The following SMARCAL1 variants were observed in gnomAD, a reference collection of about 807,000 sequenced individuals.
SMARCAL1 encodes ATP-driven annealing helicase.
In SMARCAL1, 58 loss-of-function variants were observed where a neutral mutation model predicts 94.5. The observed-to-expected ratio is 0.61, with a 90% CI of 0.50 to 0.76. The LOEUF (loss-of-function observed/expected upper bound fraction) is 0.76, where lower values mean the gene tolerates loss of function less well. SMARCAL1 is among the 30% of genes least tolerant of loss of function. The pLI, the probability that SMARCAL1 is intolerant of heterozygous loss-of-function variation, is 0.00. For synonymous variants in SMARCAL1, 422 were observed against 455.1 expected, an observed-to-expected ratio of 0.93 and a Z score of 0.93; for missense variants, 1,051 against 1,177.9, an observed-to-expected ratio of 0.89 and a Z score of 1.58.
intron 11 of SMARCAL1, among the ~76,000 whole-genome samples, chr2:216,448,642 G>A (rs946825116): frequency 6.6e-6 from 1 of 152,024 alleles, no homozygotes; most frequent in African/African-American, 2.4e-5. Flanking sequence ...TTCAATTAAA[G>A]CTTGTTGGAT....
Position 216,415,476 on chromosome 2 carries a change from C to A in SMARCAL1, c.772C>A (p.Leu258Ile). Residue 258 changes from leucine to isoleucine, a missense_variant, in exon 3 of 18, where the codon CTC (leucine) becomes ATC (isoleucine). By Grantham distance (5) the Leu-to-Ile change is conservative (BLOSUM62 2). Around this residue, in one of 3 missense-constraint regions of SMARCAL1, gnomAD observed 398 missense variants for 395.2 expected, o/e 1.01. Coordinates refer to ENST00000357276, the MANE Select transcript of SMARCAL1 (RefSeq NM_014140.4). Reference sequence around the variant, plus strand: ...GGTGTTGATTGGGTACAATGCGGAACTCATTGCAGTGTTTAAGACCCTGCC... The same window carrying A: ...GGTGTTGATTGGGTACAATGCGGAAATCATTGCAGTGTTTAAGACCCTGCC... Reference protein sequence around the residue: ...FQVLIGYNAELIAVFKTLPSK... With the variant: ...FQVLIGYNAEIIAVFKTLPSK... 1 of 1,613,702 alleles carries A rather than the reference C, an allele frequency of 6.2e-7. No individual in the cohort carries two copies. The highest frequency in any genetic ancestry group is 8.5e-7 in the Non-Finnish European group (1 of 1,179,986).
At chr2:216,453,304 A>G (rs1050740094) in intron 12 of SMARCAL1, among the ~76,000 whole-genome samples, 5 of 152,270 alleles carry the variant, frequency 3.3e-5, no homozygotes, top group African/African-American at 1.2e-4. Context: ...ACAGATTACC[A>G]TCAGTGTGAT....
At chr2:216,420,057 A>G (rs1693682679) in intron 4 of SMARCAL1, among the ~76,000 whole-genome samples, 1 of 151,684 alleles carries the variant, frequency 6.6e-6, no homozygotes, top group Admixed American at 6.6e-5. Flanking sequence ...AGAAAAAAAA[A>G]AAAGAAAAAC....
chr2:216,479,867 A>G (rs1043404164), intron 17 of SMARCAL1, among the ~76,000 whole-genome samples: 2 of 152,154 alleles, frequency 1.3e-5, no homozygotes, highest in African/African-American at 4.8e-5. Context: ...CCTGGGCAAC[A>G]TGGTGAAACC....
intron 7 of SMARCAL1, among the ~76,000 whole-genome samples, chr2:216,430,588 G>C (rs556517811): frequency 6.6e-6 from 1 of 152,228 alleles, no homozygotes; most frequent in East Asian, 1.9e-4. Context: ...CTGTTATCCA[G>C]GCTTTTTCTG....
At chr2:216,481,281 C>T (rs1267963563) in intron 17 of SMARCAL1, among the ~76,000 whole-genome samples, 2 of 151,908 alleles carry the variant, frequency 1.3e-5, no homozygotes, top group Non-Finnish European at 2.9e-5. Flanking sequence ...CAACCTCCGC[C>T]TCCCAGGCTC....
At chr2:216,427,726 A>G (rs1397440900) in intron 6 of SMARCAL1, among the ~76,000 whole-genome samples, 1 of 152,252 alleles carries the variant, frequency 6.6e-6, no homozygotes, top group Admixed American at 6.5e-5. Flanking sequence ...TATTGAAAAT[A>G]CAAAGCAATT....
intron 14 of SMARCAL1, among the ~76,000 whole-genome samples, chr2:216,468,474 A>G (rs1450077147): frequency 6.6e-6 from 1 of 152,226 alleles, no homozygotes; most frequent in Non-Finnish European, 1.5e-5. Context: ...TGCAGACATT[A>G]GTAGAGAGTT....
At chr2:216,460,482 T>C (rs1327738482) in intron 12 of SMARCAL1, among the ~76,000 whole-genome samples, 3 of 152,216 alleles carry the variant, frequency 2.0e-5, no homozygotes, top group Middle Eastern at 3.4e-3. Context: ...GTGGCACATA[T>C]ACACCATGGA....
chr2:216,415,150 A>T lies in SMARCAL1; in HGVS notation c.446A>T (p.Gln149Leu). The stretch of plus-strand genomic sequence containing the variant: ...TATGAGTTAGGTCAAGGTCATGCTC[A>T]GGCTTCACCTGAGATCAGGTTCACA... ...LSYELGQGHA[Q>L]ASPEIRFTPF... Residue 149 changes from glutamine to leucine, a missense_variant, in exon 3 of 18, where the codon CAG (glutamine) becomes CTG (leucine). By Grantham distance (113) the Gln-to-Leu change is moderately radical. Transcript: ENST00000357276. 1 of 1,612,584 alleles carries T rather than the reference A, an allele frequency of 6.2e-7. No homozygotes were observed. The highest frequency in any genetic ancestry group is 8.5e-7 in the Non-Finnish European group (1 of 1,178,932).
At chr2:216,447,496 A>G (rs1379855436) in intron 11 of SMARCAL1, among the ~76,000 whole-genome samples, 1 of 151,968 alleles carries the variant, frequency 6.6e-6, no homozygotes, top group Non-Finnish European at 1.5e-5. Flanking sequence ...ACAGTGCTGG[A>G]GCTATAAAAG....
chr2:216,451,220 C>A, intron 12 of SMARCAL1, 156 bp downstream of exon 12: 1 of 702,466 alleles, frequency 1.4e-6, no homozygotes, highest in South Asian at 1.6e-5. Context: ...TTTCATTCCT[C>A]AGCCTACCTA....
chr2:216,459,662 T>C (rs1694652334), intron 12 of SMARCAL1, among the ~76,000 whole-genome samples: 1 of 152,070 alleles, frequency 6.6e-6, no homozygotes, highest in Admixed American at 6.6e-5. Context: ...ATCCCTTCCT[T>C]ACACCTTATA....
Position 216,482,848 on chromosome 2 carries a change from A to G in SMARCAL1, c.2736A>G (p.Ser912=). 6.2e-7 allele frequency: 1 copy of G among 1,614,250 alleles called. No individual in the cohort carries two copies. The highest frequency in any genetic ancestry group is 8.5e-7 in the Non-Finnish European group (1 of 1,180,050). The change falls in exon 18 of 18, where the codon TCA becomes TCG. Residue 912 remains serine (S), a synonymous_variant. Transcript: ENST00000357276. The surrounding 1 kb of genome is among the most constrained non-coding windows in gnomAD (Gnocchi z 4.3). ...AGTCCTTTGACCCAGGAAGTGCTTCAGGAACATCTGGAAGTAGTTCCCAGA... is the reference window on the plus strand; with the variant it reads ...AGTCCTTTGACCCAGGAAGTGCTTCGGGAACATCTGGAAGTAGTTCCCAGA... ...AAESFDPGSA[S]GTSGSSSQNM...
Position 216,450,476 on chromosome 2 carries a change from A to G in SMARCAL1, c.1852-370A>G, listed in dbSNP as rs113447325. 2.9e-3 allele frequency among the ~76,000 whole-genome samples: 447 copies of G among 152,368 alleles called. 6 individuals are homozygous for G. The highest frequency in any genetic ancestry group is 0.026 in the East Asian group (137 of 5,190). ...TGCAACAGACTCTGTAGGATAAGCC[A>G]TAGGGAAGATTTAGTATTTAGTGTA... is the stretch of plus-strand genomic sequence containing the variant. On this transcript the variant is annotated intron_variant, in intron 11 of 17. Coordinates refer to ENST00000357276, the MANE Select transcript of SMARCAL1 (RefSeq NM_014140.4).
chr2:216,435,144 G>A (rs1245522544), intron 8 of SMARCAL1, among the ~76,000 whole-genome samples, 194 bp from the exon 9 acceptor site: 2 of 151,836 alleles, frequency 1.3e-5, no homozygotes, highest in East Asian at 1.9e-4. Context: ...AGGTGTGAGC[G>A]ACCGCACCCG....
At chr2:216,467,800 T>G in intron 13 of SMARCAL1, 144 bp from the exon 14 acceptor site, 1 of 667,848 alleles carries the variant, frequency 1.5e-6, no homozygotes, top group Non-Finnish European at 2.7e-6. Context: ...TAAAACACAT[T>G]ATAATGATAG....
chr2:216,415,593 A>G (rs1405554440), intron 3 of SMARCAL1, 78 bp downstream of exon 3: 5 of 1,326,242 alleles, frequency 3.8e-6, no homozygotes, highest in Non-Finnish European at 4.2e-6. Flanking sequence ...AGTTTCTCAT[A>G]AATATTAAGA....
chr2:216,449,330 T>A (rs1040029194), intron 11 of SMARCAL1, among the ~76,000 whole-genome samples: 5 of 152,236 alleles, frequency 3.3e-5, no homozygotes, highest in Non-Finnish European at 7.3e-5. Context: ...GATATCCACT[T>A]GTTCTCAGCA....
Sources: allele counts gnomAD v4.1 joint callset (sites outside exome capture counted in the v4.1 genomes callset), GRCh38; gene constraint gnomAD v4.1.1; regional missense constraint gnomAD v4.1.1; non-coding constraint Gnocchi (gnomAD v3.1); transcripts MANE v1.5; gene names NCBI Gene and HGNC (gene_info 2026-07-23, HGNC 2026-07-21).